Variants in CSMD1 observed in about 807,000 individuals in gnomAD.
The protein encoded by CSMD1 is CUB and sushi domain-containing protein 1.
CSMD1 carries 213 observed loss-of-function variants against 417.5 expected under a neutral mutation model. That is an observed-to-expected ratio of 0.51 (90% CI 0.46 to 0.57). The LOEUF (loss-of-function observed/expected upper bound fraction) is 0.57, where lower values mean the gene tolerates loss of function less well. Ranked by LOEUF, CSMD1 falls within the 20% of genes least tolerant of loss-of-function variation. The pLI, the probability that CSMD1 is intolerant of heterozygous loss-of-function variation, is 0.00. For missense variants in CSMD1, 6,923 were observed against 4,529.7 expected (o/e 1.53, Z -15.17); for synonymous variants, 2,862 against 1,736.8 (o/e 1.65, Z -16.11).
rs532231141 is a variant in CSMD1 at position 3,817,986 on chromosome 8, A to G, written c.819-63944T>C. ...TCTTTGGTATACTTACTTGTATTTT[A>G]AGAAAAAGCCCATTTTTACTTTATT... On this transcript the variant is annotated intron_variant, in intron 5 of 69. Coordinates refer to ENST00000635120, the MANE Select transcript of CSMD1 (RefSeq NM_033225.6). Among the ~76,000 whole-genome samples the G allele has an allele frequency of 4.6e-5, 7 of 152,268 alleles. No individual in the cohort carries two copies. In the South Asian group the frequency reaches 1.5e-3, roughly 32 times the overall value.
chr8:4,739,309 A>G (rs1810449401), intron 1 of CSMD1, among the ~76,000 whole-genome samples: 1 of 152,242 alleles, frequency 6.6e-6, no homozygotes, highest in South Asian at 2.1e-4. Flanking sequence ...GAGCATAGCC[A>G]TAGTTGACAG....
At chr8:4,683,432 G>C (rs1404608270) in intron 1 of CSMD1, among the ~76,000 whole-genome samples, 1 of 152,060 alleles carries the variant, frequency 6.6e-6, no homozygotes, top group Non-Finnish European at 1.5e-5. Flanking sequence ...ATATCCTGAA[G>C]GACACACTTG....
At chr8:3,519,575 T>A (rs897418455) in intron 10 of CSMD1, among the ~76,000 whole-genome samples, 2 of 152,156 alleles carry the variant, frequency 1.3e-5, no homozygotes. Flanking sequence ...ATGAGTACCT[T>A]GGTAGAGACT....
chr8:4,764,727 G>A (rs1235063305), intron 1 of CSMD1, among the ~76,000 whole-genome samples: 1 of 150,136 alleles, frequency 6.7e-6, no homozygotes, highest in Non-Finnish European at 1.5e-5. Flanking sequence ...CGAAAAATTA[G>A]CCGGGTGTTG....
chr8:4,799,430 C>T (rs71523646), intron 1 of CSMD1, among the ~76,000 whole-genome samples: 1 of 151,452 alleles, frequency 6.6e-6, no homozygotes, highest in Non-Finnish European at 1.5e-5. Flanking sequence ...AACCCCCTCT[C>T]TACTAAAAAT....
intron 2 of CSMD1, among the ~76,000 whole-genome samples, chr8:4,487,014 T>G (rs1436478736): frequency 2.0e-5 from 3 of 152,182 alleles, no homozygotes; most frequent in Non-Finnish European, 4.4e-5. Context: ...GTGCTGAGGC[T>G]AAACAAAGTT....
At chr8:3,252,736 C>A (rs574469185) in intron 26 of CSMD1, among the ~76,000 whole-genome samples, 1 of 152,182 alleles carries the variant, frequency 6.6e-6, no homozygotes, top group Admixed American at 6.5e-5. Context: ...GCCTCAATTT[C>A]AGAGCCTGTT....
intron 25 of CSMD1, among the ~76,000 whole-genome samples, chr8:3,285,696 G>C (rs1040556874): frequency 1.3e-5 from 2 of 151,920 alleles, no homozygotes; most frequent in African/African-American, 4.8e-5. Flanking sequence ...ACCACGCCCA[G>C]ACCAGAACTT....
chr8:3,836,660 G>A (rs1039294102), intron 5 of CSMD1, among the ~76,000 whole-genome samples: 43 of 152,192 alleles, frequency 2.8e-4, no homozygotes, highest in African/African-American at 9.6e-4. Flanking sequence ...CATGAGACAC[G>A]TGAGTTCCTG....
At chr8:3,401,435 T>C (rs988755221) in intron 15 of CSMD1, among the ~76,000 whole-genome samples, 20 of 152,182 alleles carry the variant, frequency 1.3e-4, no homozygotes, top group African/African-American at 4.6e-4. Context: ...AGAACCTGAA[T>C]TGCTTTATCC....
intron 1 of CSMD1, among the ~76,000 whole-genome samples, chr8:4,786,267 C>T (rs1563380340): frequency 6.6e-6 from 1 of 152,244 alleles, no homozygotes; most frequent in East Asian, 1.9e-4. Flanking sequence ...ACTATTTTTT[C>T]TTTCTTCTTT....
At chr8:4,476,825 C>T (rs1800826848) in intron 2 of CSMD1, among the ~76,000 whole-genome samples, 1 of 152,218 alleles carries the variant, frequency 6.6e-6, no homozygotes, top group African/African-American at 2.4e-5. Context: ...CATCACCGTA[C>T]TTCCCTGGAT....
intron 2 of CSMD1, among the ~76,000 whole-genome samples, chr8:4,504,756 G>C (rs184630291): frequency 5.9e-5 from 9 of 152,192 alleles, no homozygotes; most frequent in Admixed American, 4.6e-4. Context: ...TCCTGTGTTA[G>C]TTTGCTGAGA....
intron 10 of CSMD1, among the ~76,000 whole-genome samples, chr8:3,523,018 C>T (rs1459971789): frequency 0.012 from 770 of 63,142 alleles, 4 homozygotes; most frequent in South Asian, 0.053. Flanking sequence ...CACACACCCA[C>T]ACACACACAC....
chr8:3,793,395 T>C (rs140978814), intron 5 of CSMD1, among the ~76,000 whole-genome samples: 1 of 152,262 alleles, frequency 6.6e-6, no homozygotes, highest in East Asian at 1.9e-4. Flanking sequence ...AACCCATATT[T>C]TTCCTTGCCT....
chr8:3,515,092 T>C (rs1797231293), intron 10 of CSMD1, among the ~76,000 whole-genome samples: 1 of 152,208 alleles, frequency 6.6e-6, no homozygotes, highest in South Asian at 2.1e-4. Flanking sequence ...ATGAACATTT[T>C]ACACATTTAA....
intron 1 of CSMD1, among the ~76,000 whole-genome samples, chr8:4,963,494 C>G (rs1809655935): frequency 6.6e-6 from 1 of 152,204 alleles, no homozygotes; most frequent in Non-Finnish European, 1.5e-5. Context: ...GACACCATGC[C>G]TGGCCCCTCA....
chr8:4,879,298 G>C (rs7000044), intron 1 of CSMD1, among the ~76,000 whole-genome samples: 144,742 of 151,844 alleles, frequency 0.95, 69,127 homozygotes, highest in East Asian at 1. Flanking sequence ...GTGTTTATTG[G>C]CTATATTTAG....
At chr8:3,982,160 A>AAATAATAATAATAAT (rs534030179) in intron 5 of CSMD1, among the ~76,000 whole-genome samples, 1 of 89,526 alleles carries the variant, frequency 1.1e-5, no homozygotes, top group Admixed American at 9.5e-5. Context: ...TCTATCTCAA[A>AAATAATAATAATAAT]AATAATAATA....
Sources: gnomAD v4.1 joint callset for allele counts (sites outside exome capture counted in the v4.1 genomes callset) on GRCh38, gnomAD v4.1.1 for gene constraint, MANE v1.5 for transcripts, NCBI Gene and HGNC (gene_info 2026-07-23, HGNC 2026-07-21) for gene names.